The following MARCHF1 variants were observed in gnomAD, a reference collection of about 807,000 sequenced individuals.
The protein encoded by MARCHF1 is E3 ubiquitin-protein ligase MARCHF1.
A neutral mutation model predicts 54.2 loss-of-function variants in MARCHF1; 40 were observed. The observed-to-expected ratio is 0.74, with a 90% CI of 0.57 to 0.96. The LOEUF is 0.96. Among genes scored for constraint, MARCHF1 ranks in the 40% least tolerant of loss-of-function variants. MARCHF1 has a pLI of 0.00. For missense variants in MARCHF1, 586 were observed against 656.5 expected, an observed-to-expected ratio of 0.89 and a Z score of 1.17; for synonymous variants, 236 against 236.3, an observed-to-expected ratio of 1.00 and a Z score of 0.01.
chr4:164,017,815 A>G (rs1753576306), intron 2 of MARCHF1, among the ~76,000 whole-genome samples: 1 of 145,486 alleles, frequency 6.9e-6, no homozygotes, highest in Non-Finnish European at 1.5e-5. Context: ...TTTATATGGA[A>G]ATGCAAAGAA....
intron 5 of MARCHF1, among the ~76,000 whole-genome samples, chr4:163,655,309 T>G (rs1743099517): frequency 6.6e-6 from 1 of 151,752 alleles, no homozygotes; most frequent in Admixed American, 6.6e-5. Context: ...TTAGTGATAA[T>G]CTATGTAGTA....
chr4:164,302,868 TAA>T (rs70952621), intron 1 of MARCHF1, among the ~76,000 whole-genome samples: 5,071 of 114,078 alleles, frequency 0.044, 132 homozygotes, highest in African/African-American at 0.077. Flanking sequence ...GAGACTGTCT[TAA>T]AAAAAAAAAA....
chr4:163,700,794 A>G lies in MARCHF1; in HGVS notation c.162+19T>C. 2 of 1,531,582 alleles carry G rather than the reference A, an allele frequency of 1.3e-6. No homozygotes were observed. The highest frequency in any genetic ancestry group is 1.8e-6 in the Non-Finnish European group (2 of 1,142,044). 94.9% of individuals were successfully genotyped at this position (1,531,582 alleles called of 1,614,324 possible). On this transcript the variant is annotated intron_variant, in intron 5 of 9. Coordinates refer to ENST00000514618, the MANE Select transcript of MARCHF1 (RefSeq NM_001394959.1). ...GAAGTGCAGAAGTCAACAAACAAGA[A>G]AATGAGTACTTCACCTACTTTTGAA... is the stretch of plus-strand genomic sequence containing the variant.
rs537654222 is a variant in MARCHF1 at position 164,185,680 on chromosome 4, C to T, written c.-322-74018G>A. Among the ~76,000 whole-genome samples, 33 of 151,698 alleles carry T rather than the reference C, an allele frequency of 2.2e-4. 1 individual carries two copies. The East Asian group carries it at 5.8e-3, about 27-fold the overall frequency. The stretch of plus-strand genomic sequence containing the variant: ...AGAGTTTGAAAGTAGACTTTTTTTC[C>T]CATTGAGATAAGAAGATACCTATAT... On this transcript the variant is annotated intron_variant, in intron 1 of 9. Coordinates refer to ENST00000514618, the MANE Select transcript of MARCHF1 (RefSeq NM_001394959.1).
intron 3 of MARCHF1, among the ~76,000 whole-genome samples, chr4:163,919,649 G>C (rs982666757): frequency 6.6e-6 from 1 of 151,900 alleles, no homozygotes; most frequent in African/African-American, 2.4e-5. Context: ...ACCCAATTAT[G>C]TAGCTCACAT....
intron 3 of MARCHF1, among the ~76,000 whole-genome samples, chr4:163,934,571 T>C (rs1259561484): frequency 8.0e-6 from 1 of 124,444 alleles, no homozygotes; most frequent in African/African-American, 3.4e-5. Flanking sequence ...AAAACTCTTT[T>C]TAAGTAAAAA....
chr4:164,355,820 G>C (rs201768357), intron 1 of MARCHF1, among the ~76,000 whole-genome samples: 6,598 of 73,876 alleles, frequency 0.089, 232 homozygotes, highest in Non-Finnish European at 0.12. Flanking sequence ...CCATCAGAGT[G>C]AACAGGCAAC....
Position 164,132,795 on chromosome 4 carries a change from A to G in MARCHF1, c.-322-21133T>C, listed in dbSNP as rs188901212. ...AGTATTTTTCTTCTTTCTCATTTTC[A>G]TATTTGTGTATGTATATATGTATGT... is the stretch of plus-strand genomic sequence containing the variant. On this transcript the variant is annotated intron_variant, in intron 1 of 9. Transcript: ENST00000514618. Among the ~76,000 whole-genome samples the G allele has an allele frequency of 7.9e-5, 12 of 151,930 alleles. No homozygotes were observed. In the East Asian group the frequency reaches 2.1e-3, roughly 27 times the overall value.
chr4:163,541,202 G>A (rs1410421963), intron 9 of MARCHF1, among the ~76,000 whole-genome samples: 1 of 152,212 alleles, frequency 6.6e-6, no homozygotes, highest in Admixed American at 6.5e-5. Flanking sequence ...TGAATAATGA[G>A]GCAAGGCCTC....
intron 5 of MARCHF1, among the ~76,000 whole-genome samples, chr4:163,689,301 C>A (rs1185249185): frequency 2.6e-5 from 4 of 152,116 alleles, no homozygotes; most frequent in Non-Finnish European, 5.9e-5. Flanking sequence ...CACATATTGT[C>A]CAGATTTGGG....
At chr4:163,792,716 T>A (rs1747804933) in intron 4 of MARCHF1, among the ~76,000 whole-genome samples, 1 of 152,198 alleles carries the variant, frequency 6.6e-6, no homozygotes, top group African/African-American at 2.4e-5. Flanking sequence ...AAATTAGAAT[T>A]AAACGTTAAG....
intron 1 of MARCHF1, among the ~76,000 whole-genome samples, chr4:164,194,540 C>T (rs988207363): frequency 6.6e-6 from 1 of 152,000 alleles, no homozygotes; most frequent in African/African-American, 2.4e-5. Flanking sequence ...CTGTCAAAAT[C>T]TTGCAGTTAA....
At chr4:163,787,928 C>T (rs1050650297) in intron 4 of MARCHF1, among the ~76,000 whole-genome samples, 2 of 151,940 alleles carry the variant, frequency 1.3e-5, no homozygotes, top group African/African-American at 4.8e-5. Context: ...CATGCTACAA[C>T]ATGGAAGACC....
At chr4:164,150,237 A>C (rs1729893985) in intron 1 of MARCHF1, among the ~76,000 whole-genome samples, 1 of 152,188 alleles carries the variant, frequency 6.6e-6, no homozygotes, top group Non-Finnish European at 1.5e-5. Flanking sequence ...ATGAATTTCA[A>C]GTAATTTGTT....
At chr4:163,874,349 G>T (rs1308600155) in intron 3 of MARCHF1, among the ~76,000 whole-genome samples, 13 of 152,138 alleles carry the variant, frequency 8.5e-5, no homozygotes, top group Admixed American at 8.5e-4. Context: ...AATCAAGTTT[G>T]GTAGTTCCAG....
At chr4:163,784,294 A>C (rs1466841959) in intron 4 of MARCHF1, among the ~76,000 whole-genome samples, 4 of 152,096 alleles carry the variant, frequency 2.6e-5, no homozygotes, top group African/African-American at 7.2e-5. Flanking sequence ...AGAAGTCAAA[A>C]AGGACATAAA....
At chr4:164,253,566 GGTTT>G (rs774670207) in intron 1 of MARCHF1, among the ~76,000 whole-genome samples, 6 of 151,996 alleles carry the variant, frequency 3.9e-5, no homozygotes, top group Non-Finnish European at 7.4e-5. Flanking sequence ...TCAGTTTATT[GGTTT>G]GTTTGGGGGA....
chr4:164,199,632 T>TCTCTCTCTCACACA (rs1302700273), intron 1 of MARCHF1, among the ~76,000 whole-genome samples: 1 of 114,772 alleles, frequency 8.7e-6, no homozygotes, highest in African/African-American at 3.4e-5. Context: ...CAGGACTCTG[T>TCTCTCTCTCACACA]CACACACACA....
chr4:164,341,633 G>A (rs1469360003), intron 1 of MARCHF1, among the ~76,000 whole-genome samples: 1 of 152,178 alleles, frequency 6.6e-6, no homozygotes, highest in Admixed American at 6.5e-5. Flanking sequence ...TCAGGTTGCT[G>A]TGTCATCATG....
Sources: gnomAD v4.1 joint callset for allele counts (sites outside exome capture counted in the v4.1 genomes callset) on GRCh38, gnomAD v4.1.1 for gene constraint, MANE v1.5 for transcripts, NCBI Gene and HGNC (gene_info 2026-07-23, HGNC 2026-07-21) for gene names.